Variants in ZNF317 observed in about 807,000 individuals in gnomAD.
ZNF317 encodes KRAB-containing zinc finger protein 317.
In ZNF317, 17 loss-of-function variants were observed where a neutral mutation model predicts 23.4. That is an observed-to-expected ratio of 0.73 (90% confidence interval 0.50 to 1.09). The LOEUF (loss-of-function observed/expected upper bound fraction) is 1.09, where lower values mean the gene tolerates loss of function less well. ZNF317 is among the 50% of genes least tolerant of loss of function. The pLI, the probability that ZNF317 is intolerant of heterozygous loss-of-function variation, is 0.00. For missense variants in ZNF317, 679 were observed against 796.7 expected (o/e 0.85, Z 1.78); for synonymous variants, 317 against 314.9 (o/e 1.01, Z -0.07).
chr19:9,158,294 T>C (rs16978589), intron 5 of ZNF317, among the ~76,000 whole-genome samples: 8,589 of 151,732 alleles, frequency 0.057, 783 homozygotes, highest in African/African-American at 0.19. Context: ...TTCTTTCATA[T>C]TTGATGTTTC....
At chr19:9,151,287 T>C (rs1353027606) in intron 1 of ZNF317, among the ~76,000 whole-genome samples, 1 of 152,214 alleles carries the variant, frequency 6.6e-6, no homozygotes, top group Non-Finnish European at 1.5e-5. Context: ...CAAGATCAAA[T>C]TTGGTGTTGA....
In ZNF317 at chr19:9,161,076, C is replaced by G. The variant is rs143496194; in HGVS notation, c.1431C>G (p.Ala477=). The change falls in exon 7 of 7, where the codon GCC becomes GCG. Residue 477 remains alanine (A), a synonymous_variant. Transcript: ENST00000247956. This position sits in a 1 kb window ranked among gnomAD's most constrained non-coding sequence, Gnocchi z 4.0. The stretch of plus-strand genomic sequence containing the variant: ...CGCAAGAGAGACGCTACGAATGCGC[C>G]GCCTGCGGGAAAGTCTTCGGTGACT... The part of the protein sequence containing the change: ...IHTQERRYEC[A]ACGKVFGDYL... 6.2e-7 allele frequency: 1 copy of G among 1,614,174 alleles called. No homozygotes were observed. The highest frequency in any genetic ancestry group is 8.5e-7 in the Non-Finnish European group (1 of 1,180,038).
At chr19:9,148,775 A>T (rs900703511) in intron 1 of ZNF317, among the ~76,000 whole-genome samples, 1 of 152,212 alleles carries the variant, frequency 6.6e-6, no homozygotes, top group Non-Finnish European at 1.5e-5. Flanking sequence ...CATAGTGTGC[A>T]TGGAGGAGAC....
At chr19:9,144,660 G>A (rs2050667758) in intron 1 of ZNF317, among the ~76,000 whole-genome samples, 1 of 151,926 alleles carries the variant, frequency 6.6e-6, no homozygotes, top group Non-Finnish European at 1.5e-5. Context: ...TATCATAGTT[G>A]CACATATTGA....
chr19:9,140,696 A>C, intron 1 of ZNF317, 104 bp downstream of exon 1: 1 of 386,946 alleles, frequency 2.6e-6, no homozygotes, highest in South Asian at 1.8e-5. Flanking sequence ...GGGGCTAAAG[A>C]GCTAGGCATC....
At chr19:9,152,236 A>T (rs1252853721) in intron 1 of ZNF317, among the ~76,000 whole-genome samples, 1 of 152,008 alleles carries the variant, frequency 6.6e-6, no homozygotes, top group African/African-American at 2.4e-5. Flanking sequence ...ATGGCTTTTG[A>T]TGACTGCCTC....
chr19:9,145,783 T>C (rs971108918), intron 1 of ZNF317, among the ~76,000 whole-genome samples: 113 of 152,294 alleles, frequency 7.4e-4, no homozygotes, highest in African/African-American at 2.6e-3. Context: ...TCCTCAACTC[T>C]TTTTCTGTGC....
chr19:9,157,437 G>C (rs1369935580), intron 4 of ZNF317, 43 bp downstream of exon 4: 1 of 1,611,662 alleles, frequency 6.2e-7, no homozygotes, highest in African/African-American at 1.3e-5. Flanking sequence ...CCATGAATTA[G>C]ATGTTTTTGT....
At position 9,156,030 on chromosome 19, in the gene ZNF317, C is replaced by T. The variant is rs945310889; in HGVS notation, c.14C>T (p.Ser5Phe). The T allele has an allele frequency of 1.2e-6, 2 of 1,614,128 alleles. No individual in the cohort carries two copies. The highest frequency in any genetic ancestry group is 1.7e-5 in the Admixed American group (1 of 60,010). ...CATTCTCTGAGGATGGCAGCTCTGT[C>T]CCCCACATTTGGTAAGTTCTTGGGT... MAALSPTFATSTQDS... is the reference protein window; with the variant it reads MAALFPTFATSTQDS... Residue 5 changes from serine (S) to phenylalanine (F), a missense_variant, in exon 2 of 7, where the codon TCC becomes TTC. Physicochemically the swap from Ser to Phe is radical, Grantham distance 155. Coordinates refer to ENST00000247956, the MANE Select transcript of ZNF317 (RefSeq NM_020933.5).
At chr19:9,159,614 T>C (rs1168256867) in intron 6 of ZNF317, among the ~76,000 whole-genome samples, 1 of 151,664 alleles carries the variant, frequency 6.6e-6, no homozygotes, top group Non-Finnish European at 1.5e-5. Context: ...TGGCACGATC[T>C]CAGCTCACTG....
chr19:9,143,745 C>CT (rs1555712874), intron 1 of ZNF317, among the ~76,000 whole-genome samples: 24 of 144,070 alleles, frequency 1.7e-4, no homozygotes, highest in East Asian at 4.0e-4. Context: ...TCTGTCCCCC[C>CT]TTTTTTTTTT....
At chr19:9,145,046 T>TGTTTGTTTGTTTTCTGAGACAGA (rs1444484950) in intron 1 of ZNF317, among the ~76,000 whole-genome samples, 2 of 152,200 alleles carry the variant, frequency 1.3e-5, no homozygotes, top group African/African-American at 2.4e-5. Flanking sequence ...GTCTAATGTT[T>TGTTTGTTTGTTTTCTGAGACAGA]GTTTGTTTGT....
chr19:9,157,340 A>G lies in ZNF317; in HGVS notation c.235A>G (p.Arg79Gly). 1.2e-6 allele frequency: 2 copies of G among 1,614,060 alleles called. No individual in the cohort carries two copies. Among genetic ancestry groups the G allele is most frequent in the Non-Finnish European group, 1.7e-6 (2 of 1,180,008 alleles). Reference sequence around the variant, plus strand: ...GTGGCCCTTGCTGGATTCTTCTCAGAGAAAACTGTACAAAGATGTAATGCT... The same window carrying G: ...GTGGCCCTTGCTGGATTCTTCTCAGGGAAAACTGTACAAAGATGTAATGCT... ...KEWPLLDSSQ[R>G]KLYKDVMLEN... The change falls in exon 4 of 7, where the codon AGA (arginine) becomes GGA (glycine). Residue 79 changes from arginine to glycine, a missense_variant. Physicochemically the swap from Arg to Gly is moderately radical, Grantham distance 125. Transcript: ENST00000247956.
chr19:9,147,628 C>T (rs8110818), intron 1 of ZNF317, among the ~76,000 whole-genome samples: 3 of 152,180 alleles, frequency 2.0e-5, no homozygotes, highest in Non-Finnish European at 2.9e-5. Flanking sequence ...TGAGCCACCA[C>T]GCCCGGCTGA....
chr19:9,160,713 C>T lies in ZNF317; in HGVS notation c.1068C>T (p.His356=), dbSNP rs1418054209. 3.1e-6 allele frequency: 5 copies of T among 1,614,204 alleles called. No individual in the cohort carries two copies. In the East Asian group the frequency reaches 8.9e-5, roughly 29 times the overall value. Residue 356 remains histidine (H), a synonymous_variant, in exon 7 of 7, where the codon CAC becomes CAT. Coordinates refer to ENST00000247956, the MANE Select transcript of ZNF317 (RefSeq NM_020933.5). This position sits in a 1 kb window ranked among gnomAD's most constrained non-coding sequence, Gnocchi z 6.8. ...ACCTCAAAGAGCACGTGAGGAATCA[C>T]ACGGGGGAGAAGCCCTACGCGTGCA... ...PSHLKEHVRN[H]TGEKPYACTQ...
In ZNF317 at chr19:9,161,290, A is replaced by C; in HGVS notation, c.1645A>C (p.Arg549=). ...FSIGSNLNVH[R]RIHTGEKPYE... ...CATAGGCTCCAACCTGAATGTGCAC[A>C]GGCGGATCCACACCGGGGAGAAGCC... Residue 549 remains arginine, a synonymous_variant, in exon 7 of 7, where the codon AGG becomes CGG. Coordinates refer to ENST00000247956, the MANE Select transcript of ZNF317 (RefSeq NM_020933.5). The surrounding 1 kb of genome is among the most constrained non-coding windows in gnomAD (Gnocchi z 4.0). 1 of 1,613,754 alleles carries C rather than the reference A, an allele frequency of 6.2e-7. No individual in the cohort carries two copies. The highest frequency in any genetic ancestry group is 8.5e-7 in the Non-Finnish European group (1 of 1,179,792).
At chr19:9,152,597 G>A (rs983047337) in intron 1 of ZNF317, among the ~76,000 whole-genome samples, 1 of 152,206 alleles carries the variant, frequency 6.6e-6, no homozygotes, top group Non-Finnish European at 1.5e-5. Flanking sequence ...AATGCCTGAT[G>A]ATCTGTCAGT....
intron 1 of ZNF317, among the ~76,000 whole-genome samples, 182 bp from the exon 2 acceptor site, chr19:9,155,743 G>A (rs1041723268): frequency 5.3e-5 from 8 of 152,182 alleles, no homozygotes; most frequent in Non-Finnish European, 8.8e-5. Flanking sequence ...ATCAGGGGCT[G>A]TCCCCCCACC....
intron 1 of ZNF317, among the ~76,000 whole-genome samples, chr19:9,143,983 TTTTCTTTC>T (rs150533419): frequency 4.3e-4 from 61 of 140,388 alleles, no homozygotes; most frequent in South Asian, 2.0e-3. Context: ...TTGTACTCTT[TTTTCTTTC>T]TTTCTTTCTT....
Sources: allele counts gnomAD v4.1 joint callset (sites outside exome capture counted in the v4.1 genomes callset), GRCh38; gene constraint gnomAD v4.1.1; non-coding constraint Gnocchi (gnomAD v3.1); transcripts MANE v1.5; gene names NCBI Gene and HGNC (gene_info 2026-07-23, HGNC 2026-07-21).